Variants in TNIK observed in about 807,000 individuals in gnomAD.
TNIK encodes the protein TRAF2 and NCK-interacting protein kinase.
TNIK carries 49 observed loss-of-function variants against 191.3 expected under a neutral mutation model. The observed-to-expected ratio is 0.26, with a 90% CI of 0.20 to 0.32. TNIK has a LOEUF of 0.32. Among genes scored for constraint, TNIK ranks in the 10% least tolerant of loss-of-function variants. The pLI is 1.00. For synonymous variants in TNIK, 594 were observed against 600.9 expected (o/e 0.99, Z 0.17); for missense variants, 1,155 against 1,702.3 (o/e 0.68, Z 5.66).
intron 2 of TNIK, among the ~76,000 whole-genome samples, chr3:171,281,295 G>C (rs1750401331): frequency 1.3e-5 from 2 of 152,160 alleles, no homozygotes; most frequent in East Asian, 1.9e-4. Flanking sequence ...AGTTGGTGAG[G>C]AAGAGAAATG....
At chr3:171,410,220 C>G (rs779490245) in intron 1 of TNIK, among the ~76,000 whole-genome samples, 102 of 152,280 alleles carry the variant, frequency 6.7e-4, no homozygotes, top group Non-Finnish European at 1.3e-3. Context: ...AACAAACCAC[C>G]CTAAAACTTA....
intron 1 of TNIK, among the ~76,000 whole-genome samples, chr3:171,393,641 C>CT (rs1218409250): frequency 6.6e-6 from 1 of 152,160 alleles, no homozygotes; most frequent in Non-Finnish European, 1.5e-5. Flanking sequence ...TTTCTCAAAC[C>CT]TTTTTTCTCC....
chr3:171,199,288 C>T (rs1739122359), intron 4 of TNIK, among the ~76,000 whole-genome samples: 1 of 151,804 alleles, frequency 6.6e-6, no homozygotes, highest in South Asian at 2.1e-4. Context: ...ACCGCCACCA[C>T]ACAGCAGGGA....
intron 12 of TNIK, among the ~76,000 whole-genome samples, chr3:171,152,217 G>A (rs538990873): frequency 3.3e-5 from 5 of 152,002 alleles, no homozygotes; most frequent in Non-Finnish European, 1.5e-5. Flanking sequence ...GGAGGCAGAG[G>A]TTGCAGTGAG....
At chr3:171,355,622 T>C (rs1231720661) in intron 2 of TNIK, among the ~76,000 whole-genome samples, 1 of 152,196 alleles carries the variant, frequency 6.6e-6, no homozygotes, top group Non-Finnish European at 1.5e-5. Context: ...ATGAGATAAC[T>C]CTGGCTAAAA....
At chr3:171,269,312 T>C (rs1748806315) in intron 2 of TNIK, among the ~76,000 whole-genome samples, 1 of 152,252 alleles carries the variant, frequency 6.6e-6, no homozygotes, top group South Asian at 2.1e-4. Flanking sequence ...AGACACACAG[T>C]TGAAACATTT....
rs560431746 is a variant in TNIK at position 171,348,139 on chromosome 3, GA to G, written c.123+21480del. ...CTTCTCTTGAGCACAAGTTTAAAAGGAAAAAAAGAAAAGCTTTTCTACTTTA... is the reference window on the plus strand; with the variant it reads ...CTTCTCTTGAGCACAAGTTTAAAAGGAAAAAAGAAAAGCTTTTCTACTTTA... On this transcript the variant is annotated intron_variant, in intron 2 of 32. Coordinates refer to ENST00000436636, the MANE Select transcript of TNIK (RefSeq NM_015028.4). 2.7e-3 allele frequency among the ~76,000 whole-genome samples: 416 copies of G among 152,002 alleles called. 1 individual carries two copies. Among genetic ancestry groups the G allele is most frequent in the African/African-American group, 9.6e-3 (399 of 41,480 alleles).
At chr3:171,394,286 A>C (rs1177994684) in intron 1 of TNIK, among the ~76,000 whole-genome samples, 2 of 152,142 alleles carry the variant, frequency 1.3e-5, no homozygotes, top group East Asian at 1.9e-4. Flanking sequence ...CCAAATTATA[A>C]ATTTTCCTCA....
chr3:171,278,853 G>A (rs1434676413), intron 2 of TNIK, among the ~76,000 whole-genome samples: 1 of 152,192 alleles, frequency 6.6e-6, no homozygotes, highest in Non-Finnish European at 1.5e-5. Context: ...ATTCTCAGTG[G>A]ATATGAGATG....
At chr3:171,172,069 C>T (rs1329722326) in intron 9 of TNIK, among the ~76,000 whole-genome samples, 2 of 152,180 alleles carry the variant, frequency 1.3e-5, no homozygotes, top group Non-Finnish European at 1.5e-5. Flanking sequence ...TCTCCTTTCC[C>T]TCCACGATGA....
intron 1 of TNIK, among the ~76,000 whole-genome samples, chr3:171,428,001 G>T (rs1416564697): frequency 6.6e-6 from 1 of 152,160 alleles, no homozygotes; most frequent in Non-Finnish European, 1.5e-5. Flanking sequence ...GGTGCTGGGG[G>T]CTGGGGGAGC....
chr3:171,312,320 A>C (rs1277364254), intron 2 of TNIK, among the ~76,000 whole-genome samples: 2 of 151,756 alleles, frequency 1.3e-5, no homozygotes, highest in Non-Finnish European at 2.9e-5. Flanking sequence ...TTATCAGAAA[A>C]ATATTATTTT....
chr3:171,093,714 G>T, intron 23 of TNIK, 125 bp downstream of exon 23: 1 of 1,267,020 alleles, frequency 7.9e-7, no homozygotes, highest in Non-Finnish European at 1.1e-6. Context: ...GGAAGCACAG[G>T]TCCTCCCTCC....
intron 1 of TNIK, among the ~76,000 whole-genome samples, chr3:171,420,575 C>T (rs946129243): frequency 6.6e-6 from 1 of 152,144 alleles, no homozygotes; most frequent in African/African-American, 2.4e-5. Flanking sequence ...ACCAAGAATA[C>T]TACTGAACCC....
chr3:171,184,626 C>T lies in TNIK; in HGVS notation c.639+4076G>A, dbSNP rs150397899. On this transcript the variant is annotated intron_variant, in intron 7 of 32. Transcript: ENST00000436636. ...TGTTTGAATCTCAGTAGACAGAGGC[C>T]ACGACTTGTTTGAGAGTGTAAATGC... Among the ~76,000 whole-genome samples the T allele has an allele frequency of 2.0e-3, 305 of 152,280 alleles. 2 individuals are homozygous for T. The highest frequency in any genetic ancestry group is 3.7e-3 in the Non-Finnish European group (253 of 68,026).
intron 3 of TNIK, among the ~76,000 whole-genome samples, chr3:171,216,183 A>G (rs986295963): frequency 3.3e-5 from 5 of 152,232 alleles, no homozygotes; most frequent in African/African-American, 1.2e-4. Context: ...TCACTATGAT[A>G]TAGAATGTGG....
chr3:171,372,239 G>T (rs74678907), intron 1 of TNIK, among the ~76,000 whole-genome samples: 3,778 of 152,304 alleles, frequency 0.025, 138 homozygotes, highest in African/African-American at 0.082. Context: ...TGAGCCTTTA[G>T]TTCAAACTGC....
At chr3:171,220,043 C>T (rs1406157786) in intron 3 of TNIK, among the ~76,000 whole-genome samples, 1 of 152,118 alleles carries the variant, frequency 6.6e-6, no homozygotes. Flanking sequence ...ACATATACAC[C>T]ATGGAATGCT....
chr3:171,151,095 T>C (rs1560185725), intron 12 of TNIK, among the ~76,000 whole-genome samples: 1 of 152,256 alleles, frequency 6.6e-6, no homozygotes, highest in Non-Finnish European at 1.5e-5. Flanking sequence ...TCAGCAATCA[T>C]GAAAAGTAAA....
Sources: allele counts gnomAD v4.1 joint callset (sites outside exome capture counted in the v4.1 genomes callset), GRCh38; gene constraint gnomAD v4.1.1; transcripts MANE v1.5; gene names NCBI Gene and HGNC (gene_info 2026-07-23, HGNC 2026-07-21).